PTPRT: variants seen among roughly 807,000 people sequenced by gnomAD.
PTPRT encodes receptor-type tyrosine-protein phosphatase T.
A neutral mutation model predicts 176.8 loss-of-function variants in PTPRT; 56 were observed. The observed-to-expected ratio is 0.32, with a 90% CI of 0.26 to 0.40. The LOEUF is 0.40. PTPRT is among the 10% of genes least tolerant of loss of function. PTPRT has a pLI of 1.00. For synonymous variants in PTPRT, 783 were observed against 739.0 expected, an observed-to-expected ratio of 1.06 and a Z score of -0.96; for missense variants, 1,540 against 1,908.2, an observed-to-expected ratio of 0.81 and a Z score of 3.60.
At chr20:42,068,083 A>T (rs566375078), downstream of PTPRT, among the ~76,000 whole-genome samples, 2 of 152,296 alleles carry the variant, frequency 1.3e-5, no homozygotes, top group South Asian at 4.1e-4. Context: ...GAGAGGAGGA[A>T]GCATTTGTTC....
intron 9 of PTPRT, among the ~76,000 whole-genome samples, chr20:42,406,142 C>A (rs570240563): frequency 6.6e-6 from 1 of 151,462 alleles, no homozygotes; most frequent in African/African-American, 2.4e-5. Context: ...AAAAAAGGAA[C>A]AAAATAACAA....
At chr20:42,863,337 T>C (rs1274510058) in intron 2 of PTPRT, among the ~76,000 whole-genome samples, 1 of 152,228 alleles carries the variant, frequency 6.6e-6, no homozygotes, top group East Asian at 1.9e-4. Flanking sequence ...GAATGCTAAC[T>C]TCCAGCAGAG....
At chr20:42,241,909 A>C (rs1325137190) in intron 14 of PTPRT, among the ~76,000 whole-genome samples, 1 of 152,206 alleles carries the variant, frequency 6.6e-6, no homozygotes, top group East Asian at 1.9e-4. Context: ...AATCCAGATT[A>C]GATGATGTTT....
intron 1 of PTPRT, among the ~76,000 whole-genome samples, chr20:43,004,913 C>T (rs1424155847): frequency 1.3e-5 from 2 of 152,066 alleles, no homozygotes; most frequent in African/African-American, 2.4e-5. Context: ...GATGAAATAA[C>T]TTGTGTGGGA....
At chr20:43,000,565 A>G (rs1417385862) in intron 1 of PTPRT, among the ~76,000 whole-genome samples, 1 of 152,260 alleles carries the variant, frequency 6.6e-6, no homozygotes, top group African/African-American at 2.4e-5. Context: ...CTAGGAAAAA[A>G]GTTAAATCAT....
intron 6 of PTPRT, among the ~76,000 whole-genome samples, chr20:42,714,328 A>C (rs949310384): frequency 2.6e-5 from 4 of 152,206 alleles, no homozygotes; most frequent in African/African-American, 9.6e-5. Flanking sequence ...AACATCCTAA[A>C]TGAACCAATG....
At chr20:42,559,517 G>A (rs1317377950) in intron 7 of PTPRT, among the ~76,000 whole-genome samples, 1 of 152,064 alleles carries the variant, frequency 6.6e-6, no homozygotes, top group African/African-American at 2.4e-5. Flanking sequence ...TCTGCCTCAC[G>A]ATGTCTAAAG....
At chr20:42,802,971 G>GAAT (rs1388749082) in intron 2 of PTPRT, among the ~76,000 whole-genome samples, 1 of 152,230 alleles carries the variant, frequency 6.6e-6, no homozygotes, top group African/African-American at 2.4e-5. Context: ...TACACGCTTA[G>GAAT]AATAGTACCT....
chr20:42,882,686 T>G (rs1340072852), intron 2 of PTPRT, among the ~76,000 whole-genome samples: 1 of 152,254 alleles, frequency 6.6e-6, no homozygotes, highest in Non-Finnish European at 1.5e-5. Context: ...GGATGTCTGA[T>G]GTACTGCATT....
intron 1 of PTPRT, among the ~76,000 whole-genome samples, chr20:43,091,115 C>T (rs543199075): frequency 6.6e-6 from 1 of 152,220 alleles, no homozygotes; most frequent in South Asian, 2.1e-4. Flanking sequence ...CACCTGTAGT[C>T]CCAGCTACTG....
At chr20:42,184,601 T>TTCTTCTTCTTCTTCTTCTTCTTCC in intron 16 of PTPRT, among the ~76,000 whole-genome samples, 1 of 138,830 alleles carries the variant, frequency 7.2e-6, no homozygotes. Context: ...CTTCCTCTTC[T>TTCTTCTTCTTCTTCTTCTTCTTCC]TCTTCTTCTT....
At chr20:42,806,485 A>G (rs1165040307) in intron 2 of PTPRT, among the ~76,000 whole-genome samples, 2 of 23,812 alleles carry the variant, frequency 8.4e-5, no homozygotes, top group African/African-American at 2.1e-4. Flanking sequence ...TCTGTCTCAA[A>G]AAAAAAAAAA....
chr20:43,098,232 T>C (rs774526037), intron 1 of PTPRT, among the ~76,000 whole-genome samples: 8 of 152,190 alleles, frequency 5.3e-5, no homozygotes, highest in Non-Finnish European at 1.0e-4. Context: ...AGACTCTTTT[T>C]GCTTAAAGCC....
chr20:42,822,670 T>G (rs745706291), intron 2 of PTPRT, among the ~76,000 whole-genome samples: 1 of 151,752 alleles, frequency 6.6e-6, no homozygotes, highest in Non-Finnish European at 1.5e-5. Context: ...AAATCTAATA[T>G]CCACAAGTTA....
At chr20:43,185,921 G>A (rs376140651) in intron 1 of PTPRT, among the ~76,000 whole-genome samples, 56 of 127,700 alleles carry the variant, frequency 4.4e-4, no homozygotes, top group African/African-American at 1.4e-3. Context: ...AACAGAGTAA[G>A]ACTGATCTCA....
Position 43,091,173 on chromosome 20 carries a change from C to T in PTPRT, c.88+98473G>A, listed in dbSNP as rs2011832507. On this transcript the variant is annotated intron_variant, in intron 1 of 30. Coordinates refer to ENST00000373187, the MANE Select transcript of PTPRT (RefSeq NM_007050.6). ...GCTTGAACCTGAAAAGCGGAGGTTG[C>T]AGTGAGCCAAGATGGCGCCACTGCA... 3.9e-5 allele frequency among the ~76,000 whole-genome samples: 6 copies of T among 152,092 alleles called. 1 individual carries two copies. The South Asian group carries it at 1.2e-3, about 32-fold the overall frequency.
At chr20:42,577,837 C>CTGTGTGTGTGTGTGTG (rs11468271) in intron 7 of PTPRT, among the ~76,000 whole-genome samples, 34 of 139,430 alleles carry the variant, frequency 2.4e-4, no homozygotes, top group Admixed American at 4.3e-4. Flanking sequence ...CTGAGCAAGG[C>CTGTGTGTGTGTGTGTG]TGTGTGTGTG....
chr20:42,276,800 C>G lies in PTPRT; in HGVS notation c.2176+5689G>C, dbSNP rs567427572. On this transcript the variant is annotated intron_variant, in intron 13 of 30. Transcript: ENST00000373187. Reference sequence around the variant, plus strand: ...GGGAGTAGGCATTGCCTATTGATAGCAGAGGATTATCACACCACCTGTGGC... The same window carrying G: ...GGGAGTAGGCATTGCCTATTGATAGGAGAGGATTATCACACCACCTGTGGC... Among the ~76,000 whole-genome samples, 3 of 151,644 alleles carry G rather than the reference C, an allele frequency of 2.0e-5. No homozygotes were observed. The South Asian group carries it at 6.3e-4, about 32-fold the overall frequency.
chr20:43,020,208 T>C (rs1985603715), intron 1 of PTPRT, among the ~76,000 whole-genome samples: 1 of 135,902 alleles, frequency 7.4e-6, no homozygotes, highest in South Asian at 2.5e-4. Context: ...TAATTATATA[T>C]GATATTTAAT....
Sources: allele counts gnomAD v4.1 joint callset (sites outside exome capture counted in the v4.1 genomes callset), GRCh38; gene constraint gnomAD v4.1.1; transcripts MANE v1.5; gene names NCBI Gene and HGNC (gene_info 2026-07-23, HGNC 2026-07-21).